Variants in FAM186A observed in about 807,000 individuals in gnomAD.
The protein encoded by FAM186A is protein FAM186A.
A neutral mutation model predicts 216.8 loss-of-function variants in FAM186A; 163 were observed. The ratio of observed to expected loss-of-function variants is 0.75; its 90% confidence interval spans 0.66 to 0.86. The LOEUF (loss-of-function observed/expected upper bound fraction) is 0.86. FAM186A is among the 40% of genes least tolerant of loss of function. The probability of loss-of-function intolerance (pLI) is 0.00; values close to 1 mark genes in which losing one functional copy is unlikely to be tolerated. For synonymous variants in FAM186A, 805 were observed against 1,025.3 expected, an observed-to-expected ratio of 0.79 and a Z score of 4.10; for missense variants, 2,184 against 2,746.2, an observed-to-expected ratio of 0.80 and a Z score of 4.58.
intron 1 of FAM186A, among the ~76,000 whole-genome samples, chr12:50,379,647 G>A (rs1015547253): frequency 4.0e-5 from 6 of 151,542 alleles, no homozygotes; most frequent in East Asian, 1.9e-4. Context: ...GTAGCCGGGC[G>A]TAGTGGAGCA....
At chr12:50,333,849 C>A in intron 5 of FAM186A, 62 bp downstream of exon 5, 1 of 1,444,294 alleles carries the variant, frequency 6.9e-7, no homozygotes, top group Admixed American at 2.5e-5. Context: ...ATGTCATTTA[C>A]AAAGCTTACC....
At chr12:50,386,018 G>C (rs1943299954) in intron 1 of FAM186A, among the ~76,000 whole-genome samples, 1 of 152,112 alleles carries the variant, frequency 6.6e-6, no homozygotes. Context: ...TTTTCAGTTA[G>C]ACAGGAGAAA....
At position 50,360,259 on chromosome 12, in the gene FAM186A, AAAT is replaced by A. The variant is rs1197404603; in HGVS notation, c.583+494_583+496del. On this transcript the variant is annotated intron_variant, in intron 3 of 7. Transcript: ENST00000327337. ...ACCCTGTCTCAAAAAAAAAAAAAAA[AAAT>A]TAATAAATAAATTTAAAATAAATAA... 3.7e-4 allele frequency among the ~76,000 whole-genome samples: 48 copies of A among 130,592 alleles called. No homozygotes were observed. The East Asian group carries it at 6.2e-3, about 17-fold the overall frequency. 85.7% of individuals were successfully genotyped at this position (130,592 alleles called of 152,430 possible).
intron 4 of FAM186A, among the ~76,000 whole-genome samples, chr12:50,348,785 T>C (rs1592605542): frequency 2.6e-5 from 4 of 152,088 alleles, no homozygotes. Context: ...CTTGAACTCA[T>C]GAACTCGTGA....
chr12:50,364,337 G>A (rs370876097), intron 1 of FAM186A, among the ~76,000 whole-genome samples: 71 of 151,448 alleles, frequency 4.7e-4, no homozygotes, highest in African/African-American at 7.8e-4. Flanking sequence ...GGCAGATCGC[G>A]AGGTCAGGAG....
intron 4 of FAM186A, among the ~76,000 whole-genome samples, chr12:50,345,655 T>C (rs912311925): frequency 6.6e-6 from 1 of 152,116 alleles, no homozygotes; most frequent in African/African-American, 2.4e-5. Flanking sequence ...ATTAGATGAT[T>C]GTGGGTATGG....
At chr12:50,388,783 T>A (rs1943329508) in intron 1 of FAM186A, among the ~76,000 whole-genome samples, 1 of 152,162 alleles carries the variant, frequency 6.6e-6, no homozygotes, top group South Asian at 2.1e-4. Flanking sequence ...CTGGGCACAG[T>A]GGCTCATGCC....
chr12:50,379,153 A>G (rs1009508383), intron 1 of FAM186A, among the ~76,000 whole-genome samples: 4 of 151,978 alleles, frequency 2.6e-5, no homozygotes, highest in African/African-American at 9.7e-5. Flanking sequence ...AAAAATACAA[A>G]AATTGGGCCG....
chr12:50,360,147 G>A (rs186917018), intron 3 of FAM186A, among the ~76,000 whole-genome samples: 164 of 151,738 alleles, frequency 1.1e-3, no homozygotes, highest in Non-Finnish European at 1.9e-3. Context: ...GGGGAGCTGA[G>A]GCACAAGAAT....
intron 1 of FAM186A, among the ~76,000 whole-genome samples, chr12:50,377,072 T>C (rs149007719): frequency 7.2e-5 from 11 of 152,124 alleles, no homozygotes; most frequent in African/African-American, 2.6e-4. Context: ...AGATGCACAA[T>C]TTAAAGGGGC....
At chr12:50,383,208 G>A (rs747811839) in intron 1 of FAM186A, among the ~76,000 whole-genome samples, 68 of 121,248 alleles carry the variant, frequency 5.6e-4, no homozygotes, top group Non-Finnish European at 7.0e-4. Context: ...TGAGATTGCA[G>A]CCACTGCACA....
At chr12:50,347,969 T>C (rs1450792719) in intron 4 of FAM186A, among the ~76,000 whole-genome samples, 2 of 151,722 alleles carry the variant, frequency 1.3e-5, no homozygotes, top group Non-Finnish European at 2.9e-5. Flanking sequence ...GCCTCTCGGG[T>C]TCAAGCAATT....
intron 3 of FAM186A, among the ~76,000 whole-genome samples, chr12:50,360,235 C>T (rs1384474998): frequency 1.1e-5 from 1 of 89,386 alleles, no homozygotes. Flanking sequence ...CAGTGTGATA[C>T]CCTGTCTCAA....
At chr12:50,337,214 T>A (rs1420959948) in intron 4 of FAM186A, among the ~76,000 whole-genome samples, 1 of 151,076 alleles carries the variant, frequency 6.6e-6, no homozygotes, top group Non-Finnish European at 1.5e-5. Context: ...CTTATTGAAA[T>A]CATATTTCAC....
At chr12:50,365,579 C>T (rs886289281) in intron 1 of FAM186A, 5 of 436,128 alleles carry the variant, frequency 1.1e-5, no homozygotes, top group African/African-American at 4.0e-5. Context: ...CTCTACAGTC[C>T]GTATAATAAG....
chr12:50,391,365 G>C (rs564248622), intron 1 of FAM186A, among the ~76,000 whole-genome samples: 3 of 151,178 alleles, frequency 2.0e-5, no homozygotes. Flanking sequence ...ACCCAGGCTG[G>C]AGTGCAGTGG....
chr12:50,337,289 CTTTTTTTTTT>C (rs71441358), intron 4 of FAM186A, among the ~76,000 whole-genome samples: 1 of 69,668 alleles, frequency 1.4e-5, no homozygotes, highest in African/African-American at 6.0e-5. Flanking sequence ...AGAGATAATT[CTTTTTTTTTT>C]TTTTTTTTTT....
intron 1 of FAM186A, among the ~76,000 whole-genome samples, chr12:50,366,936 C>A (rs1440835227): frequency 6.6e-6 from 1 of 152,158 alleles, no homozygotes; most frequent in Admixed American, 6.6e-5. Context: ...ATTACTTGAA[C>A]CTGGGAGGTC....
chr12:50,353,321 G>C lies in FAM186A; in HGVS notation c.3511C>G (p.Leu1171Val). The change falls in exon 4 of 8, where the codon CTT (leucine) becomes GTT (valine). Residue 1171 changes from leucine (L) to valine (V), a missense_variant. Coordinates refer to ENST00000327337, the MANE Select transcript of FAM186A (RefSeq NM_001145475.3). ...AGGGCCTGGGCCTGCTGAGGGGTAAGAGGGATCCCTAGTTTCTGAGCCTGC... is the reference window on the plus strand; with the variant it reads ...AGGGCCTGGGCCTGCTGAGGGGTAACAGGGATCCCTAGTTTCTGAGCCTGC... Reference protein sequence around the residue: ...TQQAQKLGIPLTPQQAQALGI... With the variant: ...TQQAQKLGIPVTPQQAQALGI... 1 of 1,540,240 alleles carries C rather than the reference G, an allele frequency of 6.5e-7. No homozygotes were observed. The highest frequency in any genetic ancestry group is 8.8e-7 in the Non-Finnish European group (1 of 1,141,926).
Sources: gnomAD v4.1 joint callset for allele counts (sites outside exome capture counted in the v4.1 genomes callset) on GRCh38, gnomAD v4.1.1 for gene constraint, MANE v1.5 for transcripts, NCBI Gene and HGNC (gene_info 2026-07-23, HGNC 2026-07-21) for gene names.